Variants in PRELID2 observed in about 807,000 individuals in gnomAD.
PRELID2 encodes PRELI domain containing 2, also known as PRELI domain-containing protein 2.
In PRELID2, 25 loss-of-function variants were observed where a neutral mutation model predicts 28.4. The ratio of observed to expected loss-of-function variants is 0.88; its 90% CI spans 0.64 to 1.23. PRELID2 has a LOEUF of 1.23. PRELID2 is among the 50% of genes most tolerant of loss of function. The pLI is 0.00. For synonymous variants in PRELID2, 76 were observed against 71.6 expected, an observed-to-expected ratio of 1.06 and a Z score of -0.31; for missense variants, 201 against 214.4, an observed-to-expected ratio of 0.94 and a Z score of 0.39.
chr5:145,769,199 A>C (rs1043902863), intron 5 of PRELID2, among the ~76,000 whole-genome samples: 12 of 152,212 alleles, frequency 7.9e-5, no homozygotes, highest in African/African-American at 2.9e-4. Context: ...ACCATAAACC[A>C]GCTTGATTTT....
the PRELID2 span, among the ~76,000 whole-genome samples, chr5:145,271,163 A>T: frequency 5.9e-5 from 9 of 152,110 alleles, no homozygotes; most frequent in Non-Finnish European, 1.2e-4. Context: ...GATTATGGGG[A>T]TTATCATTAG....
chr5:145,697,036 TA>T (rs1254453383), intron 1 of PRELID2, among the ~76,000 whole-genome samples: 1,505 of 11,070 alleles, frequency 0.14, 64 homozygotes, highest in African/African-American at 0.32. Flanking sequence ...AGGAAAATTA[TA>T]TATATATATA....
At chr5:145,653,228 A>G (rs1480883536) in intron 1 of PRELID2, among the ~76,000 whole-genome samples, 1 of 152,236 alleles carries the variant, frequency 6.6e-6, no homozygotes, top group Admixed American at 6.5e-5. Context: ...CACCCAATAC[A>G]GGAGCACCCA....
chr5:145,233,135 T>C, the PRELID2 span, among the ~76,000 whole-genome samples: 1 of 152,082 alleles, frequency 6.6e-6, no homozygotes, highest in Admixed American at 6.6e-5. Context: ...ACAATGGCAC[T>C]CTGAGGCTCA....
the PRELID2 span, among the ~76,000 whole-genome samples, chr5:145,325,062 A>T: frequency 6.6e-6 from 1 of 152,204 alleles, no homozygotes; most frequent in Non-Finnish European, 1.5e-5. Context: ...CAGTCATGAC[A>T]CTTTCCTATA....
At chr5:145,717,750 A>T (rs1755882269) in intron 1 of PRELID2, among the ~76,000 whole-genome samples, 1 of 151,532 alleles carries the variant, frequency 6.6e-6, no homozygotes, top group African/African-American at 2.4e-5. Context: ...TATAAATTAA[A>T]ATCAAGTAAG....
At chr5:145,581,916 T>G (rs923425375) in intron 1 of PRELID2, among the ~76,000 whole-genome samples, 1 of 152,084 alleles carries the variant, frequency 6.6e-6, no homozygotes, top group Non-Finnish European at 1.5e-5. Flanking sequence ...CCAGTTATCT[T>G]TTTTTGTTCC....
intron 1 of PRELID2, among the ~76,000 whole-genome samples, chr5:145,655,870 CA>C (rs1195868322): frequency 2.0e-5 from 3 of 151,404 alleles, no homozygotes; most frequent in African/African-American, 7.2e-5. Flanking sequence ...ACACCAAAAG[CA>C]ATGGCAACAA....
At chr5:145,518,970 G>A (rs1036753455) in intron 1 of PRELID2, among the ~76,000 whole-genome samples, 4 of 152,120 alleles carry the variant, frequency 2.6e-5, no homozygotes, top group Non-Finnish European at 2.9e-5. Context: ...GTTCCTGAAT[G>A]TTCCATTTTT....
At chr5:145,354,383 G>C in the PRELID2 span, among the ~76,000 whole-genome samples, 9 of 151,942 alleles carry the variant, frequency 5.9e-5, no homozygotes, top group Non-Finnish European at 1.3e-4. Flanking sequence ...TTCCATTCTT[G>C]ACAGAGGAGC....
At chr5:145,299,960 T>A in the PRELID2 span, among the ~76,000 whole-genome samples, 2 of 152,150 alleles carry the variant, frequency 1.3e-5, no homozygotes, top group Admixed American at 6.6e-5. Flanking sequence ...GATTTTCTAG[T>A]ATTTTTCAAC....
At chr5:145,230,174 C>A in the PRELID2 span, 2 of 403,494 alleles carry the variant, frequency 5.0e-6, no homozygotes, top group Non-Finnish European at 9.4e-6. Context: ...CCTAGTGGGG[C>A]TGCCAGGCCC....
At chr5:145,283,675 T>A in the PRELID2 span, among the ~76,000 whole-genome samples, 10 of 152,150 alleles carry the variant, frequency 6.6e-5, no homozygotes, top group Non-Finnish European at 2.9e-5. Flanking sequence ...AGCGAGAGGA[T>A]CTTTTATTTA....
At chr5:145,825,607 G>T (rs1338275927) in intron 1 of PRELID2, among the ~76,000 whole-genome samples, 2 of 152,158 alleles carry the variant, frequency 1.3e-5, no homozygotes, top group Non-Finnish European at 2.9e-5. Context: ...GTAAACACCA[G>T]GGAGACATGA....
the PRELID2 span, among the ~76,000 whole-genome samples, chr5:145,365,431 A>C: frequency 6.6e-6 from 1 of 151,614 alleles, no homozygotes; most frequent in Non-Finnish European, 1.5e-5. Context: ...AAAATTTTAT[A>C]AATTTAATTT....
chr5:145,615,862 G>C (rs192997236), intron 1 of PRELID2, among the ~76,000 whole-genome samples: 323 of 152,180 alleles, frequency 2.1e-3, no homozygotes, highest in Non-Finnish European at 3.4e-3. Flanking sequence ...AAGAGGTTCT[G>C]ATTTTATCTG....
rs375844133 is a variant in PRELID2 at position 145,835,228 on chromosome 5, G to A, written c.24C>T (p.His8=). The change falls in exon 1 of 7, where the codon CAC becomes CAT. Residue 8 remains histidine, a synonymous_variant. Coordinates refer to ENST00000683046, the MANE Select transcript of PRELID2 (RefSeq NM_205846.3). ...GCTCGAAGGGGTACTTGTACACCTGGTGCACATCCACCGAGACCCCCATCC... is the reference window on the plus strand; with the variant it reads ...GCTCGAAGGGGTACTTGTACACCTGATGCACATCCACCGAGACCCCCATCC... MGVSVDV[H]QVYKYPFEQV... is the part of the protein sequence containing the mutation. 23 of 1,548,368 alleles carry A rather than the reference G, an allele frequency of 1.5e-5. No homozygotes were observed. Among genetic ancestry groups the A allele is most frequent in the Middle Eastern group, 1.8e-4 (1 of 5,696 alleles).
rs150663268 is a variant in PRELID2 at position 145,542,298 on chromosome 5, G to A, written n.71-68983C>T. Reference sequence around the variant, plus strand: ...TATTAAATGCTTCCAATAGCAAATAGAAAGAGAAGGGAGTCTCCTAGTTAC... The same window carrying A: ...TATTAAATGCTTCCAATAGCAAATAAAAAGAGAAGGGAGTCTCCTAGTTAC... On this transcript the variant is annotated intron_variant and non_coding_transcript_variant, in intron 1 of 2. Transcript: ENST00000510259. Among the ~76,000 whole-genome samples, 11 of 152,222 alleles carry A rather than the reference G, an allele frequency of 7.2e-5. No individual in the cohort carries two copies. In the East Asian group the frequency reaches 2.1e-3, roughly 29 times the overall value.
the PRELID2 span, among the ~76,000 whole-genome samples, chr5:145,403,306 G>A: frequency 6.6e-6 from 1 of 152,174 alleles, no homozygotes; most frequent in Non-Finnish European, 1.5e-5. Flanking sequence ...GGGAGACTGA[G>A]GTGGGAAGAT....
Sources: gnomAD v4.1 joint callset for allele counts (sites outside exome capture counted in the v4.1 genomes callset) on GRCh38, gnomAD v4.1.1 for gene constraint, MANE v1.5 for transcripts, NCBI Gene and HGNC (gene_info 2026-07-23, HGNC 2026-07-21) for gene names.